The following BABAM2 variants were observed in gnomAD, a reference collection of about 807,000 sequenced individuals.
The protein encoded by BABAM2 is BRISC and BRCA1 A complex member 2, also known as BRISC and BRCA1-A complex member 2.
Under a neutral mutation model 54.7 loss-of-function variants are expected in BABAM2, and 31 were observed. The observed-to-expected ratio is 0.57, with a 90% CI of 0.43 to 0.77. BABAM2 has a LOEUF of 0.77. Among genes scored for constraint, BABAM2 ranks in the 30% least tolerant of loss-of-function variants. The pLI is 0.00. For synonymous variants in BABAM2, 167 were observed against 162.9 expected, an observed-to-expected ratio of 1.03 and a Z score of -0.19; for missense variants, 364 against 455.8, an observed-to-expected ratio of 0.80 and a Z score of 1.83.
At chr2:28,264,073 G>A (rs754487511) in intron 10 of BABAM2, among the ~76,000 whole-genome samples, 1 of 152,090 alleles carries the variant, frequency 6.6e-6, no homozygotes, top group Non-Finnish European at 1.5e-5. Flanking sequence ...CCATTGTCTC[G>A]TTTCAGCTTT....
chr2:28,201,053 G>A (rs1011980002), intron 7 of BABAM2, among the ~76,000 whole-genome samples: 2 of 152,192 alleles, frequency 1.3e-5, no homozygotes, highest in South Asian at 4.1e-4. Flanking sequence ...TTACAGGCAT[G>A]AGCCACCATG....
intron 7 of BABAM2, among the ~76,000 whole-genome samples, chr2:28,186,808 A>ATT (rs34747084): frequency 4.2e-5 from 6 of 144,172 alleles, no homozygotes; most frequent in African/African-American, 1.0e-4. Flanking sequence ...GGAATTCAAC[A>ATT]TTTTTTTTTT....
chr2:28,242,765 A>T (rs1001032030), intron 9 of BABAM2, among the ~76,000 whole-genome samples: 1 of 152,210 alleles, frequency 6.6e-6, no homozygotes. Context: ...TCTCATTCCC[A>T]TAATGGAATT....
chr2:28,221,082 C>T (rs886633145), intron 7 of BABAM2, among the ~76,000 whole-genome samples: 4 of 151,968 alleles, frequency 2.6e-5, no homozygotes, highest in East Asian at 1.9e-4. Context: ...CTTTCACCAC[C>T]GCTGCTTCTC....
At chr2:28,239,675 T>C (rs559820484) in intron 8 of BABAM2, among the ~76,000 whole-genome samples, 1 of 152,334 alleles carries the variant, frequency 6.6e-6, no homozygotes, top group East Asian at 1.9e-4. Flanking sequence ...CCCCATTTGA[T>C]GAGAGAAAGC....
intron 7 of BABAM2, among the ~76,000 whole-genome samples, chr2:28,132,718 C>T (rs556088166): frequency 9.8e-5 from 15 of 152,290 alleles, no homozygotes; most frequent in Admixed American, 5.2e-4. Flanking sequence ...TTAGTCTAGC[C>T]TTCCCCAGAG....
At chr2:28,201,268 T>C (rs893362223) in intron 7 of BABAM2, among the ~76,000 whole-genome samples, 4 of 152,204 alleles carry the variant, frequency 2.6e-5, no homozygotes, top group Non-Finnish European at 5.9e-5. Flanking sequence ...AGCTGTCAGA[T>C]TTTGGAAATG....
intron 5 of BABAM2, among the ~76,000 whole-genome samples, chr2:28,032,027 A>G (rs79468673): frequency 0.025 from 3,787 of 152,350 alleles, 61 homozygotes; most frequent in Middle Eastern, 0.044. Context: ...TAAATGAAAC[A>G]TTATAAGAAT....
chr2:28,166,000 C>G (rs1260669879), intron 7 of BABAM2, among the ~76,000 whole-genome samples: 3 of 152,092 alleles, frequency 2.0e-5, no homozygotes, highest in African/African-American at 7.2e-5. Flanking sequence ...AGAATGGGCC[C>G]TAACCCAATA....
intron 5 of BABAM2, among the ~76,000 whole-genome samples, chr2:28,038,174 A>T (rs1676802572): frequency 6.6e-6 from 1 of 152,156 alleles, no homozygotes; most frequent in Non-Finnish European, 1.5e-5. Flanking sequence ...ATTATGCTTT[A>T]TGTACAGTTC....
intron 6 of BABAM2, among the ~76,000 whole-genome samples, chr2:28,126,104 A>T (rs1296817898): frequency 6.6e-6 from 1 of 152,094 alleles, no homozygotes; most frequent in Non-Finnish European, 1.5e-5. Context: ...ACTTGTTAAG[A>T]CAAGCCTAAA....
In BABAM2 at chr2:28,084,618, A is replaced by G. The variant is rs1404618300; in HGVS notation, c.570+38819A>G. Among the ~76,000 whole-genome samples, 3 of 152,026 alleles carry G rather than the reference A, an allele frequency of 2.0e-5. No homozygotes were observed. In the East Asian group the frequency reaches 5.8e-4, roughly 29 times the overall value. ...TCATTTTGGGTAGTTTCCTGAAGAG[A>G]TAGTGTTGATGCCTTTTGTGCTGTT... On this transcript the variant is annotated intron_variant, in intron 6 of 11. Coordinates refer to ENST00000379624, the MANE Select transcript of BABAM2 (RefSeq NM_199191.3).
intron 7 of BABAM2, among the ~76,000 whole-genome samples, chr2:28,135,567 CTAGA>C (rs1670461352): frequency 6.6e-6 from 1 of 152,180 alleles, no homozygotes; most frequent in South Asian, 2.1e-4. Context: ...TCTCTAACCA[CTAGA>C]TAGACATGTC....
Position 28,212,356 on chromosome 2 carries a change from C to T in BABAM2, c.681-24846C>T, listed in dbSNP as rs528687976. ...CAATTCTTTTGTTCTAGAGGAACTGCACACTTGTTTTTTAATTTAGGTTTT... is the reference window on the plus strand; with the variant it reads ...CAATTCTTTTGTTCTAGAGGAACTGTACACTTGTTTTTTAATTTAGGTTTT... On this transcript the variant is annotated intron_variant, in intron 7 of 11. Coordinates refer to ENST00000379624, the MANE Select transcript of BABAM2 (RefSeq NM_199191.3). Among the ~76,000 whole-genome samples the T allele has an allele frequency of 7.2e-5, 11 of 152,248 alleles. No homozygotes were observed. The East Asian group carries it at 2.1e-3, about 29-fold the overall frequency.
At chr2:27,959,830 GA>G (rs1283169085) in intron 3 of BABAM2, among the ~76,000 whole-genome samples, 4 of 151,192 alleles carry the variant, frequency 2.6e-5, no homozygotes, top group Admixed American at 2.6e-4. Context: ...TCTTTTGCTT[GA>G]TTTTTTTTTT....
chr2:27,999,594 T>C (rs1222337740), intron 4 of BABAM2, among the ~76,000 whole-genome samples: 2 of 152,292 alleles, frequency 1.3e-5, no homozygotes, highest in East Asian at 1.9e-4. Context: ...CCTTAGGTTT[T>C]GTTTTCCTTC....
chr2:27,900,663 AT>A lies in BABAM2; in HGVS notation c.128+5984del, dbSNP rs536240364. 6.3e-3 allele frequency among the ~76,000 whole-genome samples: 963 copies of A among 152,208 alleles called. 6 individuals are homozygous for A. The highest frequency in any genetic ancestry group is 7.9e-3 in the Non-Finnish European group (534 of 68,004). ...TGGTTTGTTCTTGTGGTTTGGAAGG[AT>A]TTTTATTGGCCTGATAGTGTATTGC... On this transcript the variant is annotated intron_variant, in intron 2 of 11. Transcript: ENST00000379624.
At position 28,196,836 on chromosome 2, in the gene BABAM2, C is replaced by CTTTTTTTTTTT. The variant is rs759950166; in HGVS notation, c.681-40349_681-40339dup. Reference sequence around the variant, plus strand: ...CCTGGGTGACAGAGTGAGACCCTGTCTTTTTTTTTTTTTTTTTTTTTTTTT... The same window carrying CTTTTTTTTTTT: ...CCTGGGTGACAGAGTGAGACCCTGTCTTTTTTTTTTTTTTTTTTTTTTTTTTTTTTTTTTTT... On this transcript the variant is annotated intron_variant, in intron 7 of 11. Transcript: ENST00000379624. 7.1e-3 allele frequency among the ~76,000 whole-genome samples: 286 copies of CTTTTTTTTTTT among 40,244 alleles called. 85 individuals are homozygous for CTTTTTTTTTTT. Among genetic ancestry groups the CTTTTTTTTTTT allele is most frequent in the Non-Finnish European group, 8.0e-3 (188 of 23,418 alleles). The allele number at this position is 40,244 out of a possible 152,430, so 26.4% of individuals were successfully genotyped here.
chr2:28,044,026 C>T (rs985540724), intron 5 of BABAM2, among the ~76,000 whole-genome samples: 1 of 152,132 alleles, frequency 6.6e-6, no homozygotes, highest in African/African-American at 2.4e-5. Flanking sequence ...TTCTCATTTC[C>T]GCCTTGTCTG....
Sources: gnomAD v4.1 joint callset for allele counts (sites outside exome capture counted in the v4.1 genomes callset) on GRCh38, gnomAD v4.1.1 for gene constraint, MANE v1.5 for transcripts, NCBI Gene and HGNC (gene_info 2026-07-23, HGNC 2026-07-21) for gene names.